TENM4: variants seen among roughly 807,000 people sequenced by gnomAD.
The protein encoded by TENM4 is teneurin-4.
Under a neutral mutation model 243.3 loss-of-function variants are expected in TENM4, and 82 were observed. The ratio of observed to expected loss-of-function variants is 0.34; its 90% CI spans 0.28 to 0.40. The LOEUF (loss-of-function observed/expected upper bound fraction) is 0.40. Ranked by LOEUF, TENM4 falls within the 10% of genes least tolerant of loss-of-function variation. The pLI, the probability that TENM4 is intolerant of heterozygous loss-of-function variation, is 1.00. For missense variants in TENM4, 3,138 were observed against 3,673.3 expected, an observed-to-expected ratio of 0.85 and a Z score of 3.77; for synonymous variants, 1,412 against 1,456.3, an observed-to-expected ratio of 0.97 and a Z score of 0.69.
intron 2 of TENM4, among the ~76,000 whole-genome samples, chr11:79,295,733 G>C (rs1047786507): frequency 4.6e-5 from 7 of 152,146 alleles, no homozygotes; most frequent in African/African-American, 1.7e-4. Flanking sequence ...AAAGAAGAGG[G>C]CAAGGGAGAG....
At chr11:79,382,991 C>T (rs1320123417) in intron 1 of TENM4, among the ~76,000 whole-genome samples, 2 of 152,170 alleles carry the variant, frequency 1.3e-5, no homozygotes, top group African/African-American at 2.4e-5. Flanking sequence ...CTGGGTCTCC[C>T]TCTGCCCCTA....
At chr11:78,765,495 T>C (rs1052246229) in intron 18 of TENM4, among the ~76,000 whole-genome samples, 5 of 152,218 alleles carry the variant, frequency 3.3e-5, no homozygotes, top group African/African-American at 1.2e-4. Flanking sequence ...ATATCAATTA[T>C]CTATTGCAAC....
At chr11:78,859,898 T>G (rs529100360) in intron 10 of TENM4, among the ~76,000 whole-genome samples, 1 of 152,318 alleles carries the variant, frequency 6.6e-6, no homozygotes, top group South Asian at 2.1e-4. Context: ...TATTCAATGT[T>G]TTTTTCCCTT....
chr11:79,274,812 A>C (rs1341767714), intron 2 of TENM4, among the ~76,000 whole-genome samples: 1 of 152,134 alleles, frequency 6.6e-6, no homozygotes, highest in Non-Finnish European at 1.5e-5. Context: ...TGGCTGGGAA[A>C]TGAGTTTCCC....
intron 1 of TENM4, among the ~76,000 whole-genome samples, chr11:79,375,646 G>A (rs1200458324): frequency 6.6e-6 from 1 of 152,058 alleles, no homozygotes; most frequent in East Asian, 1.9e-4. Flanking sequence ...AGGATAGACC[G>A]GGTCAACAAA....
At chr11:79,182,484 T>C (rs1005503692) in intron 3 of TENM4, among the ~76,000 whole-genome samples, 1 of 151,968 alleles carries the variant, frequency 6.6e-6, no homozygotes, top group Admixed American at 6.6e-5. Context: ...GTAAATAACA[T>C]AGGAAAAAAT....
chr11:79,421,632 A>G (rs1317184342), intron 1 of TENM4, among the ~76,000 whole-genome samples: 1 of 152,022 alleles, frequency 6.6e-6, no homozygotes, highest in African/African-American at 2.4e-5. Flanking sequence ...AGTCATCTCG[A>G]GGTCACCAAT....
intron 8 of TENM4, 36 bp downstream of exon 8, chr11:78,891,202 A>G: frequency 6.5e-7 from 1 of 1,540,626 alleles, no homozygotes; most frequent in East Asian, 2.5e-5. Context: ...CCACAAGGAG[A>G]GCACACACAG....
intron 1 of TENM4, among the ~76,000 whole-genome samples, chr11:79,412,571 C>A (rs140635438): frequency 3.4e-4 from 51 of 152,210 alleles, no homozygotes; most frequent in Non-Finnish European, 6.5e-4. Context: ...TCCTCACATA[C>A]GAGGTAGGAA....
intron 4 of TENM4, among the ~76,000 whole-genome samples, chr11:79,137,601 A>C (rs549550682): frequency 6.6e-6 from 1 of 152,334 alleles, no homozygotes; most frequent in Admixed American, 6.5e-5. Flanking sequence ...TGCCGAAATG[A>C]GGACTGTAAT....
At chr11:78,784,920 G>A (rs893893891) in intron 16 of TENM4, among the ~76,000 whole-genome samples, 4 of 152,158 alleles carry the variant, frequency 2.6e-5, no homozygotes, top group Non-Finnish European at 5.9e-5. Context: ...GATGAGATGC[G>A]TTTATCTTAT....
At chr11:79,138,236 C>T (rs921597633) in intron 4 of TENM4, among the ~76,000 whole-genome samples, 24 of 145,996 alleles carry the variant, frequency 1.6e-4, no homozygotes, top group Middle Eastern at 7.0e-3. Context: ...GACTGGCTCG[C>T]TTTGCTCTTC....
At chr11:78,767,311 A>C (rs144036542) in intron 18 of TENM4, among the ~76,000 whole-genome samples, 18 of 152,374 alleles carry the variant, frequency 1.2e-4, no homozygotes, top group African/African-American at 4.1e-4. Context: ...CATTCCTCAC[A>C]GTGTTGCTGG....
chr11:79,094,845 G>A (rs1254633290), intron 4 of TENM4, among the ~76,000 whole-genome samples: 2 of 152,206 alleles, frequency 1.3e-5, no homozygotes, highest in African/African-American at 4.8e-5. Flanking sequence ...AAGATTCAAA[G>A]GCTGGGGCCT....
chr11:79,302,521 C>T (rs1856565566), intron 1 of TENM4, among the ~76,000 whole-genome samples: 1 of 152,170 alleles, frequency 6.6e-6, no homozygotes, highest in African/African-American at 2.4e-5. Context: ...AATTCACTGC[C>T]TTCTCTCCCA....
chr11:78,996,472 G>T (rs1340430936), intron 6 of TENM4, among the ~76,000 whole-genome samples: 3 of 152,182 alleles, frequency 2.0e-5, no homozygotes, highest in Non-Finnish European at 4.4e-5. Flanking sequence ...AAGAGACCCT[G>T]AGCAGAACTT....
intron 12 of TENM4, among the ~76,000 whole-genome samples, chr11:78,841,372 T>A (rs1279661965): frequency 6.6e-6 from 1 of 152,192 alleles, no homozygotes; most frequent in Non-Finnish European, 1.5e-5. Flanking sequence ...TGAGACTGCC[T>A]TCACACAGAA....
At chr11:79,181,845 T>C (rs1364534038) in intron 3 of TENM4, among the ~76,000 whole-genome samples, 2 of 151,978 alleles carry the variant, frequency 1.3e-5, no homozygotes, top group Non-Finnish European at 2.9e-5. Flanking sequence ...CACATTACCG[T>C]TTACATTAGC....
intron 9 of TENM4, among the ~76,000 whole-genome samples, chr11:78,884,564 T>C (rs1050401240): frequency 3.3e-5 from 5 of 152,208 alleles, no homozygotes; most frequent in Admixed American, 6.5e-5. Context: ...CCCAGGCAAG[T>C]TGCAAACTTC....
Sources: gnomAD v4.1 joint callset for allele counts (sites outside exome capture counted in the v4.1 genomes callset) on GRCh38, gnomAD v4.1.1 for gene constraint, MANE v1.5 for transcripts, NCBI Gene and HGNC (gene_info 2026-07-23, HGNC 2026-07-21) for gene names.